Variants in ARHGAP31 observed in about 807,000 individuals in gnomAD.
The protein encoded by ARHGAP31 is rho GTPase-activating protein 31.
A neutral mutation model predicts 113.9 loss-of-function variants in ARHGAP31; 34 were observed. The ratio of observed to expected loss-of-function variants is 0.30; its 90% CI spans 0.23 to 0.40. The LOEUF (loss-of-function observed/expected upper bound fraction) is 0.40. Among genes scored for constraint, ARHGAP31 ranks in the 10% least tolerant of loss-of-function variants. ARHGAP31 has a pLI of 1.00. For missense variants in ARHGAP31, 1,548 were observed against 1,767.1 expected (o/e 0.88, Z 2.22); for synonymous variants, 650 against 684.8 (o/e 0.95, Z 0.79).
chr3:119,383,013 C>CA (rs1218287411), intron 5 of ARHGAP31, 71 bp from the exon 6 acceptor site: 79 of 1,577,126 alleles, frequency 5.0e-5, no homozygotes, highest in Non-Finnish European at 6.8e-5. Flanking sequence ...GCAAAAGGCC[C>CA]ACTGGCTCCT....
intron 3 of ARHGAP31, among the ~76,000 whole-genome samples, chr3:119,369,965 AAAAG>A (rs1361873187): frequency 6.6e-6 from 1 of 151,808 alleles, no homozygotes; most frequent in Non-Finnish European, 1.5e-5. Flanking sequence ...AAAAAAAAAG[AAAAG>A]AAAGAAAAAA....
chr3:119,407,614 A>G (rs2080675595), intron 10 of ARHGAP31, among the ~76,000 whole-genome samples: 1 of 152,264 alleles, frequency 6.6e-6, no homozygotes, highest in African/African-American at 2.4e-5. Context: ...TATAAGAGAC[A>G]GTGGGAGTGT....
intron 1 of ARHGAP31, among the ~76,000 whole-genome samples, chr3:119,338,288 G>A (rs1472207432): frequency 1.3e-5 from 2 of 152,086 alleles, no homozygotes; most frequent in African/African-American, 2.4e-5. Flanking sequence ...CCATGTCCAC[G>A]TAACACATGG....
At chr3:119,409,258 T>C (rs1435929402) in intron 10 of ARHGAP31, among the ~76,000 whole-genome samples, 1 of 152,202 alleles carries the variant, frequency 6.6e-6, no homozygotes, top group Non-Finnish European at 1.5e-5. Context: ...TGGTCCCTGG[T>C]TGAGAACCAC....
chr3:119,294,739 G>A lies in ARHGAP31; in HGVS notation c.-166G>A. The stretch of plus-strand genomic sequence containing the variant: ...GGATCTCAGGCTCTGCCGGCCCGCG[G>A]CCCGCGGGGTCCATGCGCAGGGCCC... On this transcript the variant is annotated 5_prime_UTR_variant, in exon 1 of 12. Coordinates refer to ENST00000264245, the MANE Select transcript of ARHGAP31 (RefSeq NM_020754.4). The A allele has an allele frequency of 2.9e-6, 2 of 681,796 alleles. No homozygotes were observed. Among genetic ancestry groups the A allele is most frequent in the Non-Finnish European group, 5.2e-6 (2 of 387,544 alleles). The allele number at this position is 681,796 out of a possible 1,614,324, so 42.2% of individuals were successfully genotyped here. A position where few individuals can be genotyped will look rare whatever the true frequency, so the allele number is the denominator to read the frequency against.
chr3:119,379,887 G>A (rs1211989667), intron 3 of ARHGAP31, among the ~76,000 whole-genome samples: 1 of 152,202 alleles, frequency 6.6e-6, no homozygotes, highest in Non-Finnish European at 1.5e-5. Context: ...CTGCTCAGAT[G>A]CTGGCAGTTC....
At chr3:119,407,782 G>C (rs2080677213) in intron 10 of ARHGAP31, among the ~76,000 whole-genome samples, 2 of 152,200 alleles carry the variant, frequency 1.3e-5, no homozygotes, top group African/African-American at 4.8e-5. Flanking sequence ...TGCAAGGCCT[G>C]GCAGGGGGAC....
chr3:119,345,382 G>A (rs2080047575), intron 1 of ARHGAP31, among the ~76,000 whole-genome samples: 1 of 152,142 alleles, frequency 6.6e-6, no homozygotes, highest in African/African-American at 2.4e-5. Flanking sequence ...CTCTGGAGCT[G>A]CCCCAGCACA....
chr3:119,374,668 T>G (rs2080332399), intron 3 of ARHGAP31, among the ~76,000 whole-genome samples: 1 of 151,868 alleles, frequency 6.6e-6, no homozygotes, highest in Non-Finnish European at 1.5e-5. Flanking sequence ...CCCCCTTAGC[T>G]CTCTCTCTCT....
At chr3:119,359,446 GTT>G (rs201107704) in intron 1 of ARHGAP31, among the ~76,000 whole-genome samples, 1 of 145,372 alleles carries the variant, frequency 6.9e-6, no homozygotes, top group African/African-American at 2.5e-5. Flanking sequence ...TGGTTCATTT[GTT>G]TTTTTTTTTA....
chr3:119,390,908 G>A lies in ARHGAP31; in HGVS notation c.806G>A (p.Arg269Lys). Residue 269 changes from arginine (R) to lysine (K), a missense_variant, in exon 7 of 12, where the codon AGG (arginine) becomes AAG (lysine). Physicochemically the swap from Arg to Lys is conservative, Grantham distance 26. Coordinates refer to ENST00000264245, the MANE Select transcript of ARHGAP31 (RefSeq NM_020754.4). The part of the protein sequence containing the change: ...ATNHPARKER[R>K]ENSLPEIVPP... ...AACCATCCTGCTCGCAAGGAAAGGA[G>A]GGAGAACAGCCTGCCTGAGATTGTC... is the stretch of plus-strand genomic sequence containing the variant. The A allele has an allele frequency of 1.2e-6, 2 of 1,614,190 alleles. No individual in the cohort carries two copies. Among genetic ancestry groups the A allele is most frequent in the Non-Finnish European group, 1.7e-6 (2 of 1,180,042 alleles).
rs61740281 is a variant in ARHGAP31 at position 119,414,707 on chromosome 3, G to A, written c.2778G>A (p.Ala926=). The A allele has an allele frequency of 0.13, 214,672 of 1,614,074 alleles. 15,025 individuals carry two copies. The highest frequency in any genetic ancestry group is 0.18 in the South Asian group (16,258 of 91,084). Residue 926 remains alanine (A), a synonymous_variant, in exon 12 of 12, where the codon GCG becomes GCA. Coordinates refer to ENST00000264245, the MANE Select transcript of ARHGAP31 (RefSeq NM_020754.4). ...TTCACTCTCCCACCCTGAAAGACGC[G>A]CACAAGGCCCAGGTACAGGGCCTTC... is the stretch of plus-strand genomic sequence containing the variant. The part of the protein sequence containing the change: ...SPLHSPTLKD[A]HKAQVQGLQG...
At chr3:119,359,218 G>C (rs2080184535) in intron 1 of ARHGAP31, among the ~76,000 whole-genome samples, 1 of 151,908 alleles carries the variant, frequency 6.6e-6, no homozygotes, top group East Asian at 1.9e-4. Flanking sequence ...AGGTTTCACT[G>C]TATTGGGTAG....
intron 1 of ARHGAP31, among the ~76,000 whole-genome samples, chr3:119,310,890 C>G (rs910485039): frequency 2.0e-5 from 3 of 152,028 alleles, no homozygotes; most frequent in African/African-American, 7.2e-5. Flanking sequence ...TTTTCCCAAC[C>G]CTAAATTGGA....
chr3:119,364,243 G>T, intron 1 of ARHGAP31, among the ~76,000 whole-genome samples: 1 of 137,828 alleles, frequency 7.3e-6, no homozygotes, highest in Non-Finnish European at 1.6e-5. Flanking sequence ...GGATGGAGGT[G>T]GGGGGGCCGT....
chr3:119,320,106 C>G (rs1260472593), intron 1 of ARHGAP31, among the ~76,000 whole-genome samples: 2 of 152,224 alleles, frequency 1.3e-5, no homozygotes, highest in Non-Finnish European at 2.9e-5. Flanking sequence ...CACAGGTCCT[C>G]ACCAGTTTAT....
chr3:119,388,308 T>TACATATATATATATATA (rs1553765977), intron 6 of ARHGAP31, among the ~76,000 whole-genome samples: 1 of 133,734 alleles, frequency 7.5e-6, no homozygotes, highest in East Asian at 2.2e-4. Context: ...TGTATAATTT[T>TACATATATATATATATA]TATATATATA....
intron 1 of ARHGAP31, among the ~76,000 whole-genome samples, chr3:119,356,829 A>G (rs1261577649): frequency 6.6e-6 from 1 of 152,210 alleles, no homozygotes; most frequent in African/African-American, 2.4e-5. Flanking sequence ...AATCTTGTGC[A>G]ATTATGAAAA....
At chr3:119,357,761 A>G (rs753362189) in intron 1 of ARHGAP31, among the ~76,000 whole-genome samples, 18 of 152,230 alleles carry the variant, frequency 1.2e-4, no homozygotes, top group South Asian at 4.1e-4. Context: ...CCGTTCCCAA[A>G]GGGTGGTTTC....
Sources: allele counts gnomAD v4.1 joint callset (sites outside exome capture counted in the v4.1 genomes callset), GRCh38; gene constraint gnomAD v4.1.1; transcripts MANE v1.5; gene names NCBI Gene and HGNC (gene_info 2026-07-23, HGNC 2026-07-21).